The following CCDC174 variants were observed in gnomAD, a reference collection of about 807,000 sequenced individuals.
CCDC174 encodes the protein coiled-coil domain containing 174.
In CCDC174, 37 loss-of-function variants were observed where a neutral mutation model predicts 57.1. The observed-to-expected ratio is 0.65, with a 90% CI of 0.50 to 0.85. CCDC174 has a LOEUF of 0.85. Ranked by LOEUF, CCDC174 falls within the 40% of genes least tolerant of loss-of-function variation. CCDC174 has a pLI of 0.00. For missense variants in CCDC174, 540 were observed against 574.3 expected, an observed-to-expected ratio of 0.94 and a Z score of 0.61; for synonymous variants, 182 against 190.2, an observed-to-expected ratio of 0.96 and a Z score of 0.35.
At chr3:14,670,260 A>G (rs140569119) in intron 10 of CCDC174, among the ~76,000 whole-genome samples, 174 bp downstream of exon 10, 10 of 152,308 alleles carry the variant, frequency 6.6e-5, no homozygotes, top group African/African-American at 2.4e-4. Context: ...TGGTGTTCTC[A>G]TATGCTCTGT....
intron 5 of CCDC174, among the ~76,000 whole-genome samples, chr3:14,662,873 A>G (rs1221656745): frequency 6.6e-6 from 1 of 152,200 alleles, no homozygotes; most frequent in African/African-American, 2.4e-5. Flanking sequence ...GTTGGTTTAG[A>G]AATAACATTC....
intron 5 of CCDC174, among the ~76,000 whole-genome samples, chr3:14,663,786 C>G (rs1258634036): frequency 2.6e-5 from 4 of 152,144 alleles, no homozygotes; most frequent in Non-Finnish European, 5.9e-5. Context: ...TTATTAATGC[C>G]TGTGTGATTA....
In CCDC174 at chr3:14,670,552, G is replaced by T. The variant is rs114058154; in HGVS notation, c.1106-344G>T. Among the ~76,000 whole-genome samples the T allele has an allele frequency of 7.8e-3, 1,182 of 152,300 alleles. 14 individuals are homozygous for T. Among genetic ancestry groups the T allele is most frequent in the African/African-American group, 0.026 (1,089 of 41,556 alleles). On this transcript the variant is annotated intron_variant, in intron 10 of 10. Coordinates refer to ENST00000383794, the MANE Select transcript of CCDC174 (RefSeq NM_016474.5). ...AAATAGAGATGAAATACCAGACAAG[G>T]TTGGACAGTTCCCTTTTGTGTCTTC...
At position 14,665,115 on chromosome 3, in the gene CCDC174, G is replaced by C; in HGVS notation, c.573G>C (p.Gln191His). 1 of 1,611,620 alleles carries C rather than the reference G, an allele frequency of 6.2e-7. No homozygotes were observed. Among genetic ancestry groups the C allele is most frequent in the Non-Finnish European group, 8.5e-7 (1 of 1,177,640 alleles). The part of the protein sequence containing the change: ...PDLLEMDKNL[Q>H]GRLFISPANE... ...TGCTGGAGATGGATAAAAATCTTCA[G>C]GGGAGACTGTAAGTGTGTGTGGTAT... is the stretch of plus-strand genomic sequence containing the variant. Residue 191 changes from glutamine to histidine, a missense_variant, in exon 6 of 11, where the codon CAG becomes CAC. By Grantham distance (24) the Gln-to-His change is conservative. Coordinates refer to ENST00000383794, the MANE Select transcript of CCDC174 (RefSeq NM_016474.5).
chr3:14,664,229 C>G (rs1311667884), intron 5 of CCDC174, among the ~76,000 whole-genome samples: 1 of 152,226 alleles, frequency 6.6e-6, no homozygotes, highest in African/African-American at 2.4e-5. Flanking sequence ...CCTGCCAAAT[C>G]TGACCTTGAA....
chr3:14,660,607 T>C (rs2031098993), intron 4 of CCDC174, among the ~76,000 whole-genome samples: 1 of 152,252 alleles, frequency 6.6e-6, no homozygotes, highest in African/African-American at 2.4e-5. Flanking sequence ...AGTGTGAAGG[T>C]AGAGACCTGG....
Position 14,658,791 on chromosome 3 carries a change from C to T in CCDC174, c.249-80C>T, listed in dbSNP as rs2031037373. 3.5e-6 allele frequency: 5 copies of T among 1,424,992 alleles called. No homozygotes were observed. In the East Asian group the frequency reaches 1.3e-4, roughly 37 times the overall value. 88.3% of individuals were successfully genotyped at this position (1,424,992 alleles called of 1,614,324 possible). A position where few individuals can be genotyped will look rare whatever the true frequency, so the allele number is the denominator to read the frequency against. Reference sequence around the variant, plus strand: ...GCTGGGCCTCATGGGCAGATGGTACCTGTCAGGCAGGGAGTGTGGGGGCAA... The same window carrying T: ...GCTGGGCCTCATGGGCAGATGGTACTTGTCAGGCAGGGAGTGTGGGGGCAA... On this transcript the variant is annotated intron_variant, in intron 3 of 10. Coordinates refer to ENST00000383794, the MANE Select transcript of CCDC174 (RefSeq NM_016474.5).
At chr3:14,669,236 C>T (rs2031443082) in intron 9 of CCDC174, among the ~76,000 whole-genome samples, 1 of 152,160 alleles carries the variant, frequency 6.6e-6, no homozygotes, top group South Asian at 2.1e-4. Flanking sequence ...TCTCACAAAG[C>T]TTATGTGAAG....
At chr3:14,670,157 T>C in intron 10 of CCDC174, 71 bp downstream of exon 10, 2 of 1,482,572 alleles carry the variant, frequency 1.3e-6, no homozygotes, top group South Asian at 2.5e-5. Flanking sequence ...CTAGAAGCAC[T>C]TGGGGTAAGT....
rs931162102 is a variant in CCDC174, at chr3:14,670,906, T to C, written c.1116T>C (p.Phe372=). The change falls in exon 11 of 11, where the codon TTT becomes TTC. Residue 372 remains phenylalanine (F), a synonymous_variant. Transcript: ENST00000383794. ...REWDRGKEFS[F]GYWSKRQSDL... ...TCTTATTTTTACCAGAATTTTCCTTTGGATACTGGTCGAAGAGGCAGTCAG... is the reference window on the plus strand; with the variant it reads ...TCTTATTTTTACCAGAATTTTCCTTCGGATACTGGTCGAAGAGGCAGTCAG... 19 of 1,601,124 alleles carry C rather than the reference T, an allele frequency of 1.2e-5. No homozygotes were observed. In the African/African-American group the frequency reaches 1.7e-4, roughly 15 times the overall value.
Position 14,661,341 on chromosome 3 carries a change from A to AT in CCDC174, c.308-182dup, listed in dbSNP as rs3832217. 0.44 allele frequency among the ~76,000 whole-genome samples: 66,499 copies of AT among 151,838 alleles called. 16,484 individuals carry two copies. Among genetic ancestry groups the AT allele is most frequent in the South Asian group, 0.65 (3,139 of 4,806 alleles). On this transcript the variant is annotated intron_variant, in intron 4 of 10. Transcript: ENST00000383794. ...ATAGAAAACTTTAGGCTTTTTCAAG[A>AT]TTTTTTTGTGTAGTATATGTCAGTT...
intron 4 of CCDC174, among the ~76,000 whole-genome samples, chr3:14,659,953 C>T (rs2124836568): frequency 6.6e-6 from 1 of 152,292 alleles, no homozygotes; most frequent in Middle Eastern, 3.4e-3. Flanking sequence ...GGCTGGGGCC[C>T]AGGTACAGTA....
At chr3:14,657,770 C>G (rs1426974914) in intron 3 of CCDC174, among the ~76,000 whole-genome samples, 1 of 152,176 alleles carries the variant, frequency 6.6e-6, no homozygotes, top group African/African-American at 2.4e-5. Flanking sequence ...GACCTGCCTT[C>G]CCTGCCCCCA....
In CCDC174 at chr3:14,672,016, C is replaced by G. The variant is rs945637233; in HGVS notation, c.*822C>G. On this transcript the variant is annotated 3_prime_UTR_variant, in exon 11 of 11. Coordinates refer to ENST00000383794, the MANE Select transcript of CCDC174 (RefSeq NM_016474.5). ...GGCTGCACAGTGGAGCAGGTGGGTT[C>G]CCGTGTCATTAGTAATAAGGAGAGG... 6.6e-6 allele frequency: 1 copy of G among 151,448 alleles called. No individual in the cohort carries two copies. Among genetic ancestry groups the G allele is most frequent in the Non-Finnish European group, 1.5e-5 (1 of 67,822 alleles). The allele number at this position is 151,448 out of a possible 1,614,324, so 9.4% of individuals were successfully genotyped here.
intron 6 of CCDC174, among the ~76,000 whole-genome samples, chr3:14,665,713 A>G (rs1350926968): frequency 2.0e-5 from 3 of 152,174 alleles, no homozygotes; most frequent in East Asian, 3.9e-4. Context: ...CATCCAGCAC[A>G]TAGCCTTTGG....
rs527731782 is a variant in CCDC174 at position 14,667,710 on chromosome 3, T to C, written c.819+192T>C. ...TCACAAGTAACCTGTGTAACTTTGATGTTTTAAATCTGGTCCCAAATGTGG... is the reference window on the plus strand; with the variant it reads ...TCACAAGTAACCTGTGTAACTTTGACGTTTTAAATCTGGTCCCAAATGTGG... On this transcript the variant is annotated intron_variant, in intron 8 of 10. Transcript: ENST00000383794. Among the ~76,000 whole-genome samples, 3 of 152,354 alleles carry C rather than the reference T, an allele frequency of 2.0e-5. No homozygotes were observed. The East Asian group carries it at 5.8e-4, about 29-fold the overall frequency.
intron 5 of CCDC174, among the ~76,000 whole-genome samples, chr3:14,664,750 A>C (rs1398966694): frequency 6.6e-6 from 1 of 152,248 alleles, no homozygotes; most frequent in Non-Finnish European, 1.5e-5. Flanking sequence ...ATGCTGCAGC[A>C]AAATTCCGTG....
intron 3 of CCDC174, among the ~76,000 whole-genome samples, chr3:14,656,178 A>G (rs1361422258): frequency 6.6e-6 from 1 of 152,198 alleles, no homozygotes; most frequent in African/African-American, 2.4e-5. Flanking sequence ...CAATACCGCT[A>G]TCAAACCCAA....
At chr3:14,665,757 G>A (rs751888226) in intron 6 of CCDC174, among the ~76,000 whole-genome samples, 25 of 152,006 alleles carry the variant, frequency 1.6e-4, no homozygotes, top group Non-Finnish European at 2.5e-4. Context: ...GAGGCTGGGC[G>A]CGGTGGCTCA....
Sources: allele counts gnomAD v4.1 joint callset (sites outside exome capture counted in the v4.1 genomes callset), GRCh38; gene constraint gnomAD v4.1.1; transcripts MANE v1.5; gene names NCBI Gene and HGNC (gene_info 2026-07-23, HGNC 2026-07-21).